The following SDC3 variants were observed in gnomAD, a reference collection of about 807,000 sequenced individuals.
SDC3 encodes the protein syndecan-3.
Under a neutral mutation model 24.4 loss-of-function variants are expected in SDC3, and 13 were observed. That is an observed-to-expected ratio of 0.53 (90% confidence interval 0.35 to 0.85). The LOEUF (loss-of-function observed/expected upper bound fraction) is 0.85. Ranked by LOEUF, SDC3 falls within the 40% of genes least tolerant of loss-of-function variation. SDC3 has a pLI of 0.01. For missense variants in SDC3, 571 were observed against 584.5 expected, an observed-to-expected ratio of 0.98 and a Z score of 0.24; for synonymous variants, 295 against 260.9, an observed-to-expected ratio of 1.13 and a Z score of -1.26.
At chr1:30,907,720 C>T (rs1638551906) in intron 1 of SDC3, among the ~76,000 whole-genome samples, 1 of 152,098 alleles carries the variant, frequency 6.6e-6, no homozygotes, top group South Asian at 2.1e-4. Context: ...CCCCACAGGT[C>T]CCCGCACCCC....
In SDC3 at chr1:30,873,153, A is replaced by G; in HGVS notation, c.*58T>C. On this transcript the variant is annotated 3_prime_UTR_variant, in exon 5 of 5. Transcript: ENST00000339394. ...GTCCCAGGCTTGGGCTGGTGGGGCC[A>G]GGCTGGGGACTGGACAGCAGGGTGG... The G allele has an allele frequency of 7.5e-7, 1 of 1,333,664 alleles. No individual in the cohort carries two copies. The highest frequency in any genetic ancestry group is 1.1e-6 in the Non-Finnish European group (1 of 932,734). The allele number at this position is 1,333,664 out of a possible 1,614,324, so 82.6% of individuals were successfully genotyped here.
Position 30,908,565 on chromosome 1 carries a change from G to A in SDC3, c.22C>T (p.Arg8Cys). ...CCGGCCCCGTGGGCGGCCCCGGCAC[G>A]GTGCGGCGGCCCCGGCTTCATGGCG... MKPGPPH[R>C]AGAAHGAGAG... Residue 8 changes from arginine (R) to cysteine (C), a missense_variant, in exon 1 of 5, where the codon CGT becomes TGT. Physicochemically the swap from Arg to Cys is radical, Grantham distance 180 (BLOSUM62 -3). Coordinates refer to ENST00000339394, the MANE Select transcript of SDC3 (RefSeq NM_014654.4). 1.0e-6 allele frequency: 1 copy of A among 976,546 alleles called. No individual in the cohort carries two copies. Among genetic ancestry groups the A allele is most frequent in the Non-Finnish European group, 1.2e-6 (1 of 825,938 alleles). 60.5% of individuals were successfully genotyped at this position (976,546 alleles called of 1,614,324 possible).
In SDC3 at chr1:30,869,944, G is replaced by A. The variant is rs560338584; in HGVS notation, c.*3267C>T. ...GCACCTGGGGGATGCTGGGGCCATC[G>A]GCTCTCAGATGGCAACTCCCAGGGC... On this transcript the variant is annotated 3_prime_UTR_variant, in exon 5 of 5. Transcript: ENST00000339394. 2.5e-5 allele frequency: 10 copies of A among 398,554 alleles called. No individual in the cohort carries two copies. The highest frequency in any genetic ancestry group is 2.6e-4 in the South Asian group (2 of 7,788). 24.7% of individuals were successfully genotyped at this position (398,554 alleles called of 1,614,324 possible). A position where few individuals can be genotyped will look rare whatever the true frequency, so the allele number is the denominator to read the frequency against.
intron 1 of SDC3, among the ~76,000 whole-genome samples, chr1:30,887,179 C>A (rs915606235): frequency 6.6e-6 from 1 of 152,032 alleles, no homozygotes; most frequent in Non-Finnish European, 1.5e-5. Context: ...CAGGTAGGCA[C>A]CCCCTGCCCC....
intron 2 of SDC3, 89 bp downstream of exon 2, chr1:30,878,534 G>T: frequency 1.9e-6 from 2 of 1,067,098 alleles, no homozygotes; most frequent in Non-Finnish European, 2.9e-6. Flanking sequence ...CTGCCTCACT[G>T]AAGCAAGCCC....
rs1455426340 is a variant in SDC3, at chr1:30,876,560, C to T, written c.862G>A (p.Val288Met). Reference sequence around the variant, plus strand: ...CTTCTCAACACCCTCACCTGAGCCACCTCTGTGGGTCCAGGGGCAGTGGTC... The same window carrying T: ...CTTCTCAACACCCTCACCTGAGCCATCTCTGTGGGTCCAGGGGCAGTGGTC... ...LGTTAPGPTE[V>M]AQTPTPETFL... The change falls in exon 3 of 5, where the codon GTG (valine) becomes ATG (methionine). Residue 288 changes from valine to methionine, a missense_variant. Physicochemically the swap from Val to Met is conservative, Grantham distance 21 (BLOSUM62 1). Around this residue, in one of 2 missense-constraint regions of SDC3, gnomAD observed 497 missense variants for 471.6 expected, o/e 1.05. Transcript: ENST00000339394. The T allele has an allele frequency of 1.3e-6, 2 of 1,517,044 alleles. No homozygotes were observed. Among genetic ancestry groups the T allele is most frequent in the Admixed American group, 2.2e-5 (1 of 44,460 alleles). 94.0% of individuals were successfully genotyped at this position (1,517,044 alleles called of 1,614,324 possible). A position where few individuals can be genotyped will look rare whatever the true frequency, so the allele number is the denominator to read the frequency against.
chr1:30,880,493 T>A (rs930912500), intron 1 of SDC3: 1 of 152,080 alleles, frequency 6.6e-6, no homozygotes, highest in Non-Finnish European at 1.5e-5. Flanking sequence ...AGGGGCCACC[T>A]CAGTAATTTT....
At chr1:30,904,393 A>C (rs920843327) in intron 1 of SDC3, among the ~76,000 whole-genome samples, 2 of 151,776 alleles carry the variant, frequency 1.3e-5, no homozygotes, top group Non-Finnish European at 2.9e-5. Context: ...CACCACTGCC[A>C]CCACTCCTGC....
chr1:30,899,415 C>T (rs1248768017), intron 1 of SDC3, among the ~76,000 whole-genome samples: 1 of 152,104 alleles, frequency 6.6e-6, no homozygotes, highest in African/African-American at 2.4e-5. Context: ...CGCTCTGTCA[C>T]CCAGGCGAGA....
intron 1 of SDC3, among the ~76,000 whole-genome samples, chr1:30,886,374 C>T (rs1046708501): frequency 6.6e-6 from 1 of 152,058 alleles, no homozygotes; most frequent in South Asian, 2.1e-4. Flanking sequence ...ATGTCACATA[C>T]GCACGCCAAC....
rs1639778096 is a variant in SDC3 at position 30,883,611 on chromosome 1, A to G, written c.139-4871T>C. Among the ~76,000 whole-genome samples, 3 of 152,216 alleles carry G rather than the reference A, an allele frequency of 2.0e-5. No homozygotes were observed. The South Asian group carries it at 6.2e-4, about 32-fold the overall frequency. On this transcript the variant is annotated intron_variant, in intron 1 of 4. Coordinates refer to ENST00000339394, the MANE Select transcript of SDC3 (RefSeq NM_014654.4). ...CATGCCTGCACACAGTCGGAGCCGT[A>G]TAAGGCTTTGTCTATATTCCTACAG... is the stretch of plus-strand genomic sequence containing the variant.
chr1:30,886,053 A>G (rs1639822949), intron 1 of SDC3, among the ~76,000 whole-genome samples: 1 of 152,022 alleles, frequency 6.6e-6, no homozygotes, highest in African/African-American at 2.4e-5. Flanking sequence ...TGAGAGCAGG[A>G]CCACCCACTG....
At chr1:30,882,300 G>A (rs1390142316) in intron 1 of SDC3, among the ~76,000 whole-genome samples, 1 of 152,176 alleles carries the variant, frequency 6.6e-6, no homozygotes, top group East Asian at 1.9e-4. Context: ...CTAGTGGACT[G>A]ATGCCCCCTG....
intron 1 of SDC3, 51 bp downstream of exon 1, chr1:30,908,397 CG>C (rs1638574774): frequency 5.6e-5 from 52 of 929,992 alleles, no homozygotes; most frequent in Non-Finnish European, 6.5e-5. Flanking sequence ...GCACCCCGCG[CG>C]GGGGGCGGCC....
At chr1:30,888,288 C>T (rs1229639295) in intron 1 of SDC3, among the ~76,000 whole-genome samples, 4 of 152,166 alleles carry the variant, frequency 2.6e-5, no homozygotes, top group Admixed American at 2.0e-4. Context: ...TGGGACGTGG[C>T]AGTGGGAAGG....
At chr1:30,884,615 C>G (rs1639802093) in intron 1 of SDC3, among the ~76,000 whole-genome samples, 1 of 152,186 alleles carries the variant, frequency 6.6e-6, no homozygotes, top group South Asian at 2.1e-4. Flanking sequence ...CCAGCCCCAA[C>G]AGGAGAGCAG....
At position 30,877,171 on chromosome 1, in the gene SDC3, G is replaced by T; in HGVS notation, c.257-6C>A. The T allele has an allele frequency of 6.2e-7, 1 of 1,613,772 alleles. No homozygotes were observed. The highest frequency in any genetic ancestry group is 1.3e-5 in the African/African-American group (1 of 75,038). On this transcript the variant is annotated splice_polypyrimidine_tract_variant and splice_region_variant and intron_variant, in intron 2 of 4. Coordinates refer to ENST00000339394, the MANE Select transcript of SDC3 (RefSeq NM_014654.4). Reference sequence around the variant, plus strand: ...GCCCGACTCCTGCTCGAAGTCTGAGGGGGTGGGGGAGAGGGAGAGAGCTAG... The same window carrying T: ...GCCCGACTCCTGCTCGAAGTCTGAGTGGGTGGGGGAGAGGGAGAGAGCTAG...
At chr1:30,878,851 C>A in intron 1 of SDC3, 111 bp from the exon 2 acceptor site, 1 of 813,766 alleles carries the variant, frequency 1.2e-6, no homozygotes. Flanking sequence ...ACGTGGGTGA[C>A]AGAGATCTTG....
In SDC3 at chr1:30,872,664, A is replaced by G. The variant is rs1345502540; in HGVS notation, c.*547T>C. On this transcript the variant is annotated 3_prime_UTR_variant, in exon 5 of 5. Transcript: ENST00000339394. ...GCAAGAGGAGAGATTCAACAACCCC[A>G]GAGAGACCAGGACAAAACAGGCTGG... 1 of 155,216 alleles carries G rather than the reference A, an allele frequency of 6.4e-6. No homozygotes were observed. Among genetic ancestry groups the G allele is most frequent in the Non-Finnish European group, 1.4e-5 (1 of 69,802 alleles). The allele number at this position is 155,216 out of a possible 1,614,324, so 9.6% of individuals were successfully genotyped here. A position where few individuals can be genotyped will look rare whatever the true frequency, so the allele number is the denominator to read the frequency against.
Sources: allele counts gnomAD v4.1 joint callset (sites outside exome capture counted in the v4.1 genomes callset), GRCh38; gene constraint gnomAD v4.1.1; regional missense constraint gnomAD v4.1.1; transcripts MANE v1.5; gene names NCBI Gene and HGNC (gene_info 2026-07-23, HGNC 2026-07-21).